NELL2: variants seen among roughly 807,000 people sequenced by gnomAD.
NELL2 encodes neural EGFL like 2, also known as protein kinase C-binding protein NELL2.
In NELL2, 41 loss-of-function variants were observed where a neutral mutation model predicts 109.6. That is an observed-to-expected ratio of 0.37 (90% confidence interval 0.29 to 0.49). The LOEUF (loss-of-function observed/expected upper bound fraction) is 0.49. Among genes scored for constraint, NELL2 ranks in the 20% least tolerant of loss-of-function variants. The probability of loss-of-function intolerance (pLI) is 0.98; values close to 1 mark genes in which losing one functional copy is unlikely to be tolerated. For synonymous variants in NELL2, 355 were observed against 344.7 expected, an observed-to-expected ratio of 1.03 and a Z score of -0.33; for missense variants, 900 against 1,008.3, an observed-to-expected ratio of 0.89 and a Z score of 1.45.
At chr12:44,676,640 A>C (rs1345524096) in intron 12 of NELL2, among the ~76,000 whole-genome samples, 1 of 152,144 alleles carries the variant, frequency 6.6e-6, no homozygotes, top group Non-Finnish European at 1.5e-5. Context: ...TTCCTCAAAA[A>C]GAGTGAAAGC....
intron 9 of NELL2, among the ~76,000 whole-genome samples, chr12:44,772,344 T>C (rs902658208): frequency 6.6e-6 from 1 of 152,202 alleles, no homozygotes; most frequent in African/African-American, 2.4e-5. Context: ...CCACTTTTTT[T>C]AAATACATAT....
intron 9 of NELL2, among the ~76,000 whole-genome samples, chr12:44,727,617 A>T (rs1939150981): frequency 6.6e-6 from 1 of 152,064 alleles, no homozygotes; most frequent in South Asian, 2.1e-4. Context: ...AAGACTAGAG[A>T]TTGAGCCTTA....
chr12:44,807,926 C>T (rs570014313), intron 3 of NELL2, among the ~76,000 whole-genome samples: 6 of 152,032 alleles, frequency 3.9e-5, no homozygotes, highest in African/African-American at 1.4e-4. Context: ...CCATAGGGAG[C>T]GAAGAGAGTA....
chr12:44,847,347 T>C (rs535788905), intron 2 of NELL2, among the ~76,000 whole-genome samples: 3 of 152,336 alleles, frequency 2.0e-5, no homozygotes, highest in South Asian at 4.1e-4. Flanking sequence ...ATCTGTACAT[T>C]CCTTAAGTAT....
intron 3 of NELL2, among the ~76,000 whole-genome samples, chr12:44,786,606 G>A (rs965104873): frequency 3.9e-5 from 6 of 152,116 alleles, no homozygotes; most frequent in African/African-American, 1.4e-4. Flanking sequence ...ATTTACAATA[G>A]CAAAGACTTG....
chr12:44,655,207 C>G (rs1046332741), intron 13 of NELL2, among the ~76,000 whole-genome samples: 1 of 152,138 alleles, frequency 6.6e-6, no homozygotes, highest in East Asian at 1.9e-4. Flanking sequence ...CGGCTCCCAC[C>G]GTCCCAGTCC....
intron 12 of NELL2, among the ~76,000 whole-genome samples, chr12:44,680,037 A>G (rs112501232): frequency 0.061 from 9,324 of 152,226 alleles, 945 homozygotes; most frequent in African/African-American, 0.21. Flanking sequence ...CAAGTTGAAT[A>G]GCAGCATTCT....
intron 1 of NELL2, among the ~76,000 whole-genome samples, chr12:44,908,217 A>G (rs1945741051): frequency 6.6e-6 from 1 of 151,992 alleles, no homozygotes; most frequent in Admixed American, 6.6e-5. Context: ...AAGCCTAGGA[A>G]GCTATGTGGT....
intron 12 of NELL2, among the ~76,000 whole-genome samples, chr12:44,686,115 C>A (rs1429193444): frequency 6.6e-6 from 1 of 152,134 alleles, no homozygotes; most frequent in African/African-American, 2.4e-5. Flanking sequence ...TTGCTCGTTT[C>A]TTTTTATTCT....
chr12:44,877,396 T>A (rs1592698235), upstream of NELL2, among the ~76,000 whole-genome samples: 1 of 152,206 alleles, frequency 6.6e-6, no homozygotes, highest in East Asian at 1.9e-4. Flanking sequence ...TTTAGGTAAA[T>A]TTTGAGGAAT....
At chr12:44,675,573 G>A (rs1364371374) in intron 12 of NELL2, among the ~76,000 whole-genome samples, 3 of 151,818 alleles carry the variant, frequency 2.0e-5, no homozygotes, top group African/African-American at 7.3e-5. Context: ...GTAATTATTC[G>A]GAATCATAGA....
chr12:44,903,129 A>C (rs1001004810), intron 1 of NELL2, among the ~76,000 whole-genome samples: 17 of 152,330 alleles, frequency 1.1e-4, no homozygotes, highest in African/African-American at 4.1e-4. Context: ...GAATGGGAGA[A>C]AATTTTTGCA....
intron 2 of NELL2, among the ~76,000 whole-genome samples, chr12:44,868,513 C>T (rs1260275834): frequency 1.3e-5 from 2 of 152,108 alleles, no homozygotes; most frequent in Non-Finnish European, 2.9e-5. Flanking sequence ...CAAATGAACA[C>T]ATAAAGAAAA....
chr12:44,868,590 C>T (rs1295117584), intron 2 of NELL2, among the ~76,000 whole-genome samples: 1 of 152,126 alleles, frequency 6.6e-6, no homozygotes, highest in African/African-American at 2.4e-5. Flanking sequence ...TTTGAGACAA[C>T]GTGGATCAAC....
chr12:44,820,851 G>C (rs1943518550), intron 2 of NELL2, among the ~76,000 whole-genome samples: 1 of 152,074 alleles, frequency 6.6e-6, no homozygotes, highest in African/African-American at 2.4e-5. Context: ...TAGAATGCTA[G>C]CACTCCAGAA....
chr12:44,728,231 T>G lies in NELL2; in HGVS notation c.995-13490A>C, dbSNP rs1939183542. On this transcript the variant is annotated intron_variant, in intron 9 of 19. Transcript: ENST00000429094. ...CTGATACATGAACAAAGTTGGAATA[T>G]CAATAGACAGTAATTTTTTTAAATG... Among the ~76,000 whole-genome samples, 5 of 152,168 alleles carry G rather than the reference T, an allele frequency of 3.3e-5. No individual in the cohort carries two copies. The South Asian group carries it at 1.0e-3, about 32-fold the overall frequency.
At chr12:44,603,051 T>G (rs568822100) in intron 15 of NELL2, among the ~76,000 whole-genome samples, 1 of 152,278 alleles carries the variant, frequency 6.6e-6, no homozygotes, top group African/African-American at 2.4e-5. Context: ...GTAGGCCTCA[T>G]GCTTCATTTT....
chr12:44,748,122 T>G (rs1566302903), intron 9 of NELL2, among the ~76,000 whole-genome samples: 1 of 152,150 alleles, frequency 6.6e-6, no homozygotes, highest in Non-Finnish European at 1.5e-5. Flanking sequence ...CTGCACTTAG[T>G]GCCTGCAAAA....
At chr12:44,885,238 C>G (rs571331283) in intron 1 of NELL2, among the ~76,000 whole-genome samples, 1 of 151,882 alleles carries the variant, frequency 6.6e-6, no homozygotes, top group African/African-American at 2.4e-5. Flanking sequence ...AAGATCATGC[C>G]ACTGCACTCC....
Sources: gnomAD v4.1 joint callset for allele counts (sites outside exome capture counted in the v4.1 genomes callset) on GRCh38, gnomAD v4.1.1 for gene constraint, MANE v1.5 for transcripts, NCBI Gene and HGNC (gene_info 2026-07-23, HGNC 2026-07-21) for gene names.